SPHKAP: variants seen among roughly 807,000 people sequenced by gnomAD.
The protein encoded by SPHKAP is SPHK1 interactor, AKAP domain containing.
In SPHKAP, 67 loss-of-function variants were observed where a neutral mutation model predicts 137.5. The ratio of observed to expected loss-of-function variants is 0.49; its 90% CI spans 0.40 to 0.60. The LOEUF (loss-of-function observed/expected upper bound fraction) is 0.60, where lower values mean the gene tolerates loss of function less well. Among genes scored for constraint, SPHKAP ranks in the 20% least tolerant of loss-of-function variants. The probability of loss-of-function intolerance (pLI) is 0.00; values close to 1 mark genes in which losing one functional copy is unlikely to be tolerated. For missense variants in SPHKAP, 2,097 were observed against 2,069.3 expected (o/e 1.01, Z -0.26); for synonymous variants, 813 against 785.3 (o/e 1.04, Z -0.59).
intron 3 of SPHKAP, among the ~76,000 whole-genome samples, chr2:228,094,725 T>C (rs757509758): frequency 4.6e-5 from 7 of 152,024 alleles, no homozygotes; most frequent in Non-Finnish European, 1.0e-4. Flanking sequence ...AGATACTAGA[T>C]TGACTCAGCA....
At chr2:227,993,735 T>C in intron 8 of SPHKAP, 115 bp from the exon 9 acceptor site, 2 of 921,766 alleles carry the variant, frequency 2.2e-6, no homozygotes, top group Non-Finnish European at 3.4e-6. Context: ...AAAATATCGC[T>C]TTGTGCCTAG....
intron 3 of SPHKAP, among the ~76,000 whole-genome samples, chr2:228,077,645 G>A (rs1330564430): frequency 6.6e-6 from 1 of 152,212 alleles, no homozygotes; most frequent in Non-Finnish European, 1.5e-5. Context: ...TAACTAACTT[G>A]CTTTTGATTT....
chr2:228,167,780 T>C (rs1487632215), intron 1 of SPHKAP, among the ~76,000 whole-genome samples: 1 of 152,198 alleles, frequency 6.6e-6, no homozygotes, highest in Non-Finnish European at 1.5e-5. Context: ...AGGTATGTTA[T>C]GTAACTTACA....
chr2:227,981,198 A>G lies in SPHKAP; in HGVS notation c.*519T>C, dbSNP rs1692981622. 1 of 152,272 alleles carries G rather than the reference A, an allele frequency of 6.6e-6. No homozygotes were observed. Among genetic ancestry groups the G allele is most frequent in the Non-Finnish European group, 1.5e-5 (1 of 68,090 alleles). 9.4% of individuals were successfully genotyped at this position (152,272 alleles called of 1,614,324 possible). A position where few individuals can be genotyped will look rare whatever the true frequency, so the allele number is the denominator to read the frequency against. On this transcript the variant is annotated 3_prime_UTR_variant, in exon 12 of 12. Transcript: ENST00000392056. ...ATCAATGTCTACTGACATTGATTTG[A>G]AAGTGGAAATCTTTTGTATAAAAGT...
rs927974360 is a variant in SPHKAP, at chr2:228,111,892, AT to A, written c.139-2954del. ...GGTTTCCAAAAACTTATCTGCATCT[AT>A]TTTTTTTTGTAAATAAAACTACATT... On this transcript the variant is annotated intron_variant, in intron 2 of 11. Transcript: ENST00000392056. Among the ~76,000 whole-genome samples, 523 of 150,966 alleles carry A rather than the reference AT, an allele frequency of 3.5e-3. 4 individuals carry two copies. Among genetic ancestry groups the A allele is most frequent in the African/African-American group, 0.012 (504 of 41,192 alleles).
In SPHKAP at chr2:228,017,209, G is replaced by A. The variant is rs757158159; in HGVS notation, c.3645C>T (p.Ser1215=). 4.3e-6 allele frequency: 7 copies of A among 1,613,980 alleles called. No individual in the cohort carries two copies. The highest frequency in any genetic ancestry group is 4.2e-6 in the Non-Finnish European group (5 of 1,180,016). The change falls in exon 7 of 12, where the codon AGC becomes AGT. Residue 1215 remains serine, a synonymous_variant. Transcript: ENST00000392056. ...GCAGGCCGGCTGTCCAATCCTGGCT[G>A]CTCCGTCTGGAGGAGGCACTTTCTC... ...DSRESASSRR[S]SQDWTAGLLS...
Position 228,020,127 on chromosome 2 carries a change from C to T in SPHKAP, c.727G>A (p.Val243Ile). 6.2e-7 allele frequency: 1 copy of T among 1,608,364 alleles called. No homozygotes were observed. Among genetic ancestry groups the T allele is most frequent in the Non-Finnish European group, 8.5e-7 (1 of 1,178,366 alleles). ...DYENINVSANVLESKQLKGAT... is the reference protein window; with the variant it reads ...DYENINVSANILESKQLKGAT... Reference sequence around the variant, plus strand: ...CCCTTTAGCTGTTTACTTTCCAAAACATTGGCTGAGACATTTATATTTTCA... The same window carrying T: ...CCCTTTAGCTGTTTACTTTCCAAAATATTGGCTGAGACATTTATATTTTCA... Residue 243 changes from valine to isoleucine, a missense_variant, in exon 7 of 12, where the codon GTT (valine) becomes ATT (isoleucine). Coordinates refer to ENST00000392056, the MANE Select transcript of SPHKAP (RefSeq NM_001142644.2).
intron 3 of SPHKAP, among the ~76,000 whole-genome samples, chr2:228,031,479 C>A (rs1695317749): frequency 6.6e-6 from 1 of 152,206 alleles, no homozygotes; most frequent in Non-Finnish European, 1.5e-5. Flanking sequence ...GTAACCTCTG[C>A]AGACTTAAAT....
upstream of SPHKAP, chr2:228,181,687 TGGCGCGCGCCAGGAGAGA>T (rs984885805): frequency 2.9e-5 from 46 of 1,612,730 alleles, 1 homozygote; most frequent in African/African-American, 4.1e-4. This position sits in a 1 kb window ranked among gnomAD's most constrained non-coding sequence, Gnocchi z 4.3. Context: ...AGTGCCAGAC[TGGCGCGCGCCAGGAGAGA>T]GGCGCGCAGG....
chr2:228,027,367 C>T (rs1277350376), intron 4 of SPHKAP, 117 bp downstream of exon 4: 1 of 1,064,060 alleles, frequency 9.4e-7, no homozygotes, highest in African/African-American at 1.6e-5. Flanking sequence ...GGGAAATGGC[C>T]TGTAATGAAA....
chr2:228,027,970 A>AAAAAAAG (rs1034890683), intron 3 of SPHKAP: 1 of 973,186 alleles, frequency 1.0e-6, no homozygotes, highest in African/African-American at 1.8e-5. Flanking sequence ...GAAAAAAAAA[A>AAAAAAAG]AAAAAAGAAA....
intron 1 of SPHKAP, among the ~76,000 whole-genome samples, chr2:228,156,725 G>C (rs1700117969): frequency 6.6e-6 from 1 of 152,252 alleles, no homozygotes; most frequent in Admixed American, 6.5e-5. Flanking sequence ...TGAATCATGG[G>C]AGTAGGTCTT....
intron 3 of SPHKAP, chr2:228,028,063 CAA>C: frequency 1.0e-6 from 1 of 985,190 alleles, no homozygotes; most frequent in Non-Finnish European, 1.2e-6. Context: ...CTGGTCACAA[CAA>C]ATGCCCGCTT....
chr2:228,077,201 G>A (rs1199621227), intron 3 of SPHKAP, among the ~76,000 whole-genome samples: 1 of 152,164 alleles, frequency 6.6e-6, no homozygotes, highest in African/African-American at 2.4e-5. Flanking sequence ...CTCTGCTAGG[G>A]CAGTGTGGAA....
intron 2 of SPHKAP, among the ~76,000 whole-genome samples, chr2:228,116,903 C>T (rs139539736): frequency 5.8e-4 from 89 of 152,238 alleles, no homozygotes; most frequent in African/African-American, 2.0e-3. Context: ...AACAGCTCTA[C>T]CATATAGCCT....
chr2:228,159,462 G>A (rs981412668), intron 1 of SPHKAP, among the ~76,000 whole-genome samples: 2 of 152,114 alleles, frequency 1.3e-5, no homozygotes, highest in African/African-American at 2.4e-5. Context: ...ACAGAAGTTA[G>A]GCTCCTACCC....
chr2:228,121,327 T>C (rs541103041), intron 2 of SPHKAP, among the ~76,000 whole-genome samples: 2 of 152,008 alleles, frequency 1.3e-5, no homozygotes. Flanking sequence ...CTGAGCAATA[T>C]TGTGAAACCC....
chr2:228,058,647 C>T (rs560650954), intron 3 of SPHKAP, among the ~76,000 whole-genome samples: 1 of 152,322 alleles, frequency 6.6e-6, no homozygotes, highest in East Asian at 1.9e-4. Context: ...TTACTACCTA[C>T]ACACACAGAT....
chr2:228,136,529 T>C (rs1699444021), intron 1 of SPHKAP, among the ~76,000 whole-genome samples: 1 of 152,150 alleles, frequency 6.6e-6, no homozygotes, highest in Non-Finnish European at 1.5e-5. Context: ...CTAGGGAATA[T>C]CCAGTTATTT....
Sources: gnomAD v4.1 joint callset for allele counts (sites outside exome capture counted in the v4.1 genomes callset) on GRCh38, gnomAD v4.1.1 for gene constraint, Gnocchi (gnomAD v3.1) non-coding constraint, MANE v1.5 for transcripts, NCBI Gene and HGNC (gene_info 2026-07-23, HGNC 2026-07-21) for gene names.